The following CBL variants were observed in gnomAD, a reference collection of about 807,000 sequenced individuals.
The protein encoded by CBL is Cbl proto-oncogene.
A neutral mutation model predicts 96.9 loss-of-function variants in CBL; 45 were observed. The observed-to-expected ratio is 0.46, with a 90% confidence interval of 0.37 to 0.60. The LOEUF is 0.60. Ranked by LOEUF, CBL falls within the 20% of genes least tolerant of loss-of-function variation. The probability of loss-of-function intolerance (pLI) is 0.00; values close to 1 mark genes in which losing one functional copy is unlikely to be tolerated. For missense variants in CBL, 1,024 were observed against 1,143.5 expected, an observed-to-expected ratio of 0.90 and a Z score of 1.51; for synonymous variants, 420 against 426.8, an observed-to-expected ratio of 0.98 and a Z score of 0.20.
At chr11:119,249,413 G>A (rs1313496809) in intron 2 of CBL, among the ~76,000 whole-genome samples, 1 of 152,002 alleles carries the variant, frequency 6.6e-6, no homozygotes, top group Non-Finnish European at 1.5e-5. Flanking sequence ...AAATTAGCTG[G>A]GCATGGTGGC....
intron 5 of CBL, 57 bp from the exon 6 acceptor site, chr11:119,275,940 C>A (rs1949886159): frequency 1.2e-5 from 19 of 1,520,406 alleles, no homozygotes; most frequent in Non-Finnish European, 1.7e-5. Context: ...TCTTGCCTTG[C>A]CTTCCACCGT....
chr11:119,296,814 C>G (rs1950065196), intron 12 of CBL, 104 bp from the exon 13 acceptor site: 1 of 708,986 alleles, frequency 1.4e-6, no homozygotes. Context: ...ATGTATTTTG[C>G]TCTGTTCAAT....
chr11:119,267,152 C>T (rs1592394919), intron 2 of CBL, among the ~76,000 whole-genome samples: 1 of 152,128 alleles, frequency 6.6e-6, no homozygotes, highest in Non-Finnish European at 1.5e-5. Context: ...TCATTATTTC[C>T]TTTTAAGAAG....
intron 2 of CBL, among the ~76,000 whole-genome samples, chr11:119,246,012 G>A (rs1212294435): frequency 1.1e-5 from 1 of 94,188 alleles, no homozygotes; most frequent in African/African-American, 4.0e-5. Flanking sequence ...ATCTCTCTTT[G>A]TCACCAGGCT....
rs1381443015 is a variant in CBL at position 119,308,108 on chromosome 11, T to TA, written c.*8334dup. ...GAGCTTTTTCAAGCACCCATGTCTG[T>TA]AAAAAAATATTTTTAAATAAAGTTT... On this transcript the variant is annotated 3_prime_UTR_variant, in exon 16 of 16. Transcript: ENST00000264033. The TA allele has an allele frequency of 1.7e-5, 3 of 172,742 alleles. No individual in the cohort carries two copies. Among genetic ancestry groups the TA allele is most frequent in the East Asian group, 2.1e-4 (2 of 9,706 alleles). 10.7% of individuals were successfully genotyped at this position (172,742 alleles called of 1,614,324 possible). A position where few individuals can be genotyped will look rare whatever the true frequency, so the allele number is the denominator to read the frequency against.
At chr11:119,242,524 T>G (rs1949594394) in intron 2 of CBL, among the ~76,000 whole-genome samples, 1 of 110,056 alleles carries the variant, frequency 9.1e-6, no homozygotes. Context: ...AGTGACAGAG[T>G]GAGACTCCAT....
chr11:119,243,585 A>G (rs892300849), intron 2 of CBL, among the ~76,000 whole-genome samples: 8 of 149,328 alleles, frequency 5.4e-5, no homozygotes, highest in East Asian at 2.0e-4. Context: ...ATAGAATTGT[A>G]TGTTTAATAA....
At chr11:119,283,548 G>A (rs1949954202) in intron 9 of CBL, among the ~76,000 whole-genome samples, 2 of 147,188 alleles carry the variant, frequency 1.4e-5, no homozygotes, top group African/African-American at 2.5e-5. Flanking sequence ...GGTTATATAT[G>A]TGTTCTTTCT....
chr11:119,264,834 C>T (rs1055568243), intron 2 of CBL, among the ~76,000 whole-genome samples: 23 of 152,090 alleles, frequency 1.5e-4, no homozygotes, highest in Non-Finnish European at 3.2e-4. Context: ...TTTATAACCA[C>T]CATATACCAA....
intron 2 of CBL, among the ~76,000 whole-genome samples, chr11:119,258,290 T>G (rs1192238455): frequency 1.3e-5 from 2 of 152,038 alleles, no homozygotes. Context: ...GAAAGAGATT[T>G]AAGTGGCTCA....
chr11:119,206,361 T>A lies in CBL; in HGVS notation c.-57T>A. 7.4e-7 allele frequency: 1 copy of A among 1,355,420 alleles called. No individual in the cohort carries two copies. Among genetic ancestry groups the A allele is most frequent in the South Asian group, 1.4e-5 (1 of 68,968 alleles). The allele number at this position is 1,355,420 out of a possible 1,614,324, so 84.0% of individuals were successfully genotyped here. ...CTCCTTCACGCCCTGCTTCTCTCCCTCGCTCGCAGTCGAGCCGAGCCGGCG... is the reference window on the plus strand; with the variant it reads ...CTCCTTCACGCCCTGCTTCTCTCCCACGCTCGCAGTCGAGCCGAGCCGGCG... On this transcript the variant is annotated 5_prime_UTR_variant, in exon 1 of 16. Coordinates refer to ENST00000264033, the MANE Select transcript of CBL (RefSeq NM_005188.4).
chr11:119,292,984 A>T (rs541838120), intron 12 of CBL, among the ~76,000 whole-genome samples: 54 of 152,298 alleles, frequency 3.5e-4, no homozygotes, highest in African/African-American at 1.3e-3. Context: ...AGAGAAGTGT[A>T]TTTGATGTTT....
intron 4 of CBL, 68 bp from the exon 5 acceptor site, chr11:119,274,764 T>A: frequency 6.7e-7 from 1 of 1,492,120 alleles, no homozygotes; most frequent in South Asian, 1.2e-5. Flanking sequence ...TTTTTTTTTT[T>A]TCTCATTGCC....
Position 119,285,212 on chromosome 11 carries a change from A to G in CBL, c.1587A>G (p.Lys529=), listed in dbSNP as rs1949972379. 6.2e-7 allele frequency: 1 copy of G among 1,614,034 alleles called. No individual in the cohort carries two copies. The highest frequency in any genetic ancestry group is 1.1e-5 in the South Asian group (1 of 91,084). The change falls in exon 11 of 16, where the codon AAA becomes AAG. Residue 529 remains lysine, a synonymous_variant. Coordinates refer to ENST00000264033, the MANE Select transcript of CBL (RefSeq NM_005188.4). ...ASKAASGSLH[K]DKPLPVPPTL... ...AGGCTGCTTCTGGCTCCCTTCATAA[A>G]GACAAACCATTGCCAGTACCTCCCA... is the stretch of plus-strand genomic sequence containing the variant.
intron 1 of CBL, among the ~76,000 whole-genome samples, chr11:119,225,491 T>C (rs1949451221): frequency 1.3e-5 from 2 of 152,082 alleles, no homozygotes; most frequent in African/African-American, 4.8e-5. Flanking sequence ...CTCAGCCTCC[T>C]AGGCTCAATT....
intron 2 of CBL, among the ~76,000 whole-genome samples, chr11:119,265,886 G>C (rs992301822): frequency 2.0e-5 from 3 of 152,010 alleles, no homozygotes; most frequent in Non-Finnish European, 4.4e-5. Flanking sequence ...ACCGGGCGTG[G>C]TGGTGTGTGC....
chr11:119,297,062 C>G (rs1314008826), intron 13 of CBL, 28 bp downstream of exon 13: 2 of 1,187,674 alleles, frequency 1.7e-6, no homozygotes, highest in Non-Finnish European at 2.5e-6. Flanking sequence ...CTTTTTGGGC[C>G]CTATACCTTT....
chr11:119,220,072 A>T (rs1327469599), intron 1 of CBL, among the ~76,000 whole-genome samples: 5 of 151,554 alleles, frequency 3.3e-5, no homozygotes, highest in Non-Finnish European at 1.5e-5. Context: ...CTGGTCTCGA[A>T]CTCCTGACCT....
chr11:119,236,595 G>GTATATATATA lies in CBL; in HGVS notation c.443+3919_443+3928dup, dbSNP rs71048051. On this transcript the variant is annotated intron_variant, in intron 2 of 15. Coordinates refer to ENST00000264033, the MANE Select transcript of CBL (RefSeq NM_005188.4). ...ACATATATGTTTTCACTTCTTTTGA[G>GTATATATATA]TATATATATATATATATATATATAT... Among the ~76,000 whole-genome samples, 248 of 137,736 alleles carry GTATATATATA rather than the reference G, an allele frequency of 1.8e-3. 3 individuals are homozygous for GTATATATATA. The highest frequency in any genetic ancestry group is 5.3e-3 in the African/African-American group (196 of 36,784). 90.4% of individuals were successfully genotyped at this position (137,736 alleles called of 152,430 possible).
Sources: allele counts gnomAD v4.1 joint callset (sites outside exome capture counted in the v4.1 genomes callset), GRCh38; gene constraint gnomAD v4.1.1; transcripts MANE v1.5; gene names NCBI Gene and HGNC (gene_info 2026-07-23, HGNC 2026-07-21).